Variants in KCNMA1 observed in about 807,000 individuals in gnomAD.
KCNMA1 encodes Calcium-activated potassium channel subunit alpha-1.
A neutral mutation model predicts 140.0 loss-of-function variants in KCNMA1; 29 were observed. The ratio of observed to expected loss-of-function variants is 0.21; its 90% CI spans 0.15 to 0.28. The LOEUF is 0.28. Ranked by LOEUF, KCNMA1 falls within the 10% of genes least tolerant of loss-of-function variation. The probability of loss-of-function intolerance (pLI) is 1.00; values close to 1 mark genes in which losing one functional copy is unlikely to be tolerated. For missense variants in KCNMA1, 880 were observed against 1,602.2 expected (o/e 0.55, Z 7.70); for synonymous variants, 612 against 611.9 (o/e 1.00, Z 0.00).
intron 17 of KCNMA1, among the ~76,000 whole-genome samples, chr10:77,013,032 G>C (rs549441466): frequency 1.1e-4 from 17 of 152,276 alleles, no homozygotes; most frequent in African/African-American, 3.4e-4. Context: ...AAAATCCCTG[G>C]CTTGTTGCCT....
intron 2 of KCNMA1, among the ~76,000 whole-genome samples, chr10:77,392,865 G>A (rs113349219): frequency 4.9e-4 from 74 of 152,262 alleles, no homozygotes; most frequent in African/African-American, 1.6e-3. Context: ...TGTCAGCCTC[G>A]CCCCACCTCC....
At chr10:77,305,365 C>A (rs867826698) in intron 2 of KCNMA1, among the ~76,000 whole-genome samples, 4 of 152,124 alleles carry the variant, frequency 2.6e-5, no homozygotes, top group Admixed American at 1.3e-4. Context: ...TTATAATCAC[C>A]CTTTGAGGTT....
intron 3 of KCNMA1, among the ~76,000 whole-genome samples, chr10:77,239,376 G>A (rs1411951580): frequency 6.6e-6 from 1 of 152,158 alleles, no homozygotes; most frequent in Non-Finnish European, 1.5e-5. Flanking sequence ...GCATTTTCTG[G>A]CATGGAGTGA....
At position 77,120,983 on chromosome 10, in the gene KCNMA1, G is replaced by A; in HGVS notation, c.874C>T (p.Leu292Phe). Residue 292 changes from leucine to phenylalanine, a missense_variant, in exon 6 of 28, where the codon CTT (leucine) becomes TTT (phenylalanine). Physicochemically the swap from Leu to Phe is conservative, Grantham distance 22. Coordinates refer to ENST00000286628, the MANE Select transcript of KCNMA1 (RefSeq NM_001161352.2). ...FSEILQFLNI[L>F]KTSNSIKLVN... ...CGAAGAACATCTTACCTTGTTTTAAGAATATTCAGAAACTGCAAAATTTCT... is the reference window on the plus strand; with the variant it reads ...CGAAGAACATCTTACCTTGTTTTAAAAATATTCAGAAACTGCAAAATTTCT... 6.3e-7 allele frequency: 1 copy of A among 1,587,094 alleles called. No homozygotes were observed. The highest frequency in any genetic ancestry group is 8.6e-7 in the Non-Finnish European group (1 of 1,156,254).
At chr10:77,057,264 G>C (rs973695990) in intron 14 of KCNMA1, among the ~76,000 whole-genome samples, 5 of 152,124 alleles carry the variant, frequency 3.3e-5, no homozygotes, top group African/African-American at 1.2e-4. Flanking sequence ...CAAGAAGAAA[G>C]TAGAACAACA....
intron 1 of KCNMA1, among the ~76,000 whole-genome samples, chr10:77,444,283 T>G (rs1273216004): frequency 1.3e-5 from 2 of 152,226 alleles, no homozygotes; most frequent in Non-Finnish European, 2.9e-5. Context: ...TGCAGTGACT[T>G]GTTCAGACTC....
chr10:77,307,400 C>A (rs937425499), intron 2 of KCNMA1, among the ~76,000 whole-genome samples: 4 of 152,194 alleles, frequency 2.6e-5, no homozygotes, highest in Non-Finnish European at 4.4e-5. Context: ...ACCCATACGA[C>A]CATTTTGTTT....
chr10:77,209,016 T>G (rs1036669236), intron 3 of KCNMA1, among the ~76,000 whole-genome samples: 4 of 152,152 alleles, frequency 2.6e-5, no homozygotes, highest in African/African-American at 4.8e-5. Flanking sequence ...CACCTACCAA[T>G]TATCTCTCTT....
chr10:76,936,049 G>T (rs1332463637), intron 23 of KCNMA1, among the ~76,000 whole-genome samples: 1 of 152,182 alleles, frequency 6.6e-6, no homozygotes, highest in Non-Finnish European at 1.5e-5. Flanking sequence ...GGGTTAAAGA[G>T]GATCTCTCAT....
At chr10:77,197,729 G>A (rs561695489) in intron 3 of KCNMA1, among the ~76,000 whole-genome samples, 6 of 152,296 alleles carry the variant, frequency 3.9e-5, no homozygotes, top group African/African-American at 7.2e-5. Context: ...GGCGACAACC[G>A]AAAGGGGGAG....
chr10:77,573,642 G>GGAATA (rs57641471), intron 1 of KCNMA1, among the ~76,000 whole-genome samples: 9 of 65,216 alleles, frequency 1.4e-4, no homozygotes, highest in African/African-American at 3.9e-4. Flanking sequence ...GGAATGGAAT[G>GGAATA]GAATAGAATA....
chr10:77,631,811 C>T (rs754746828), intron 1 of KCNMA1, among the ~76,000 whole-genome samples: 7 of 152,196 alleles, frequency 4.6e-5, no homozygotes, highest in Admixed American at 3.9e-4. Context: ...GCAGGCAGCT[C>T]TTCTTTTCCT....
At position 77,637,247 on chromosome 10, in the gene KCNMA1, G is replaced by A; in HGVS notation, c.378+18C>T. ...GGTGGGGCTGGCGCAGAGGGCGGGC[G>A]CCCGGGGCGCGCGTTACCTTCGTCT... On this transcript the variant is annotated intron_variant, in intron 1 of 27. Coordinates refer to ENST00000286628, the MANE Select transcript of KCNMA1 (RefSeq NM_001161352.2). 1.3e-6 allele frequency: 2 copies of A among 1,588,368 alleles called. No individual in the cohort carries two copies. The highest frequency in any genetic ancestry group is 1.7e-6 in the Non-Finnish European group (2 of 1,164,710).
chr10:77,540,739 G>T (rs140817418), intron 1 of KCNMA1, among the ~76,000 whole-genome samples: 291 of 152,282 alleles, frequency 1.9e-3, no homozygotes, highest in African/African-American at 6.6e-3. Flanking sequence ...GGTGGCTCAT[G>T]CCTGTAATCC....
intron 20 of KCNMA1, among the ~76,000 whole-genome samples, chr10:76,966,769 C>T (rs934752911): frequency 3.9e-5 from 6 of 152,166 alleles, no homozygotes; most frequent in Admixed American, 2.0e-4. Context: ...TGGAAGCCTC[C>T]ATGGCTCACA....
intron 1 of KCNMA1, among the ~76,000 whole-genome samples, chr10:77,553,865 C>T (rs545815313): frequency 6.6e-6 from 1 of 152,146 alleles, no homozygotes; most frequent in African/African-American, 2.4e-5. Flanking sequence ...AGACATGGTT[C>T]TAAAACCTAG....
At chr10:76,905,028 C>T (rs1050834410) in intron 25 of KCNMA1, 1 of 152,082 alleles carries the variant, frequency 6.6e-6, no homozygotes, top group African/African-American at 2.4e-5. Flanking sequence ...TGGGACTCTG[C>T]CTTCTGACTC....
intron 5 of KCNMA1, among the ~76,000 whole-genome samples, chr10:77,142,697 G>T (rs1363014824): frequency 6.6e-6 from 1 of 152,100 alleles, no homozygotes; most frequent in Admixed American, 6.6e-5. Context: ...AAATTGGTGA[G>T]AAACTAACTC....
At chr10:77,339,126 G>A (rs2090144047) in intron 2 of KCNMA1, among the ~76,000 whole-genome samples, 1 of 151,736 alleles carries the variant, frequency 6.6e-6, no homozygotes, top group Admixed American at 6.6e-5. Context: ...TGGGGAGGGG[G>A]TAAGGAAGTG....
Sources: gnomAD v4.1 joint callset for allele counts (sites outside exome capture counted in the v4.1 genomes callset) on GRCh38, gnomAD v4.1.1 for gene constraint, MANE v1.5 for transcripts, NCBI Gene and HGNC (gene_info 2026-07-23, HGNC 2026-07-21) for gene names.